The following RGS6 variants were observed in gnomAD, a reference collection of about 807,000 sequenced individuals.
RGS6 encodes the protein regulator of G-protein signaling 6.
Under a neutral mutation model 78.5 loss-of-function variants are expected in RGS6, and 30 were observed. That is an observed-to-expected ratio of 0.38 (90% CI 0.29 to 0.52). RGS6 has a LOEUF of 0.52. RGS6 is among the 20% of genes least tolerant of loss of function. The probability of loss-of-function intolerance (pLI) is 0.85; values close to 1 mark genes in which losing one functional copy is unlikely to be tolerated. For missense variants in RGS6, 495 were observed against 609.7 expected (o/e 0.81, Z 1.98); for synonymous variants, 206 against 206.0 (o/e 1.00, Z 0.00).
chr14:72,379,980 A>G (rs914651584), intron 3 of RGS6, among the ~76,000 whole-genome samples: 5 of 152,160 alleles, frequency 3.3e-5, no homozygotes, highest in South Asian at 2.1e-4. Flanking sequence ...ACAGAGACCA[A>G]TAGAGCAGAA....
At chr14:72,442,087 C>T (rs1330499843) in intron 3 of RGS6, among the ~76,000 whole-genome samples, 1 of 152,136 alleles carries the variant, frequency 6.6e-6, no homozygotes, top group Non-Finnish European at 1.5e-5. Context: ...GAGATGATTT[C>T]CCTCTGGTTC....
chr14:72,559,100 C>T (rs2097632548), intron 17 of RGS6, among the ~76,000 whole-genome samples: 1 of 152,236 alleles, frequency 6.6e-6, no homozygotes, highest in African/African-American at 2.4e-5. Flanking sequence ...CATTCCCCTT[C>T]TGAAGTGGTT....
intron 3 of RGS6, among the ~76,000 whole-genome samples, chr14:72,368,785 A>T (rs761609785): frequency 6.6e-6 from 1 of 152,236 alleles, no homozygotes; most frequent in African/African-American, 2.4e-5. Flanking sequence ...ATGCCTCAAA[A>T]TAGAGATAAT....
intron 3 of RGS6, among the ~76,000 whole-genome samples, chr14:72,402,183 A>G (rs115131487): frequency 2.0e-5 from 3 of 152,194 alleles, no homozygotes; most frequent in African/African-American, 7.2e-5. Context: ...CCATTGGTCC[A>G]TTCCGTCCAA....
upstream of RGS6, among the ~76,000 whole-genome samples, chr14:71,931,278 G>C (rs1236488839): frequency 6.6e-6 from 1 of 151,718 alleles, no homozygotes; most frequent in East Asian, 1.9e-4. Flanking sequence ...TGTGTACTAA[G>C]CCTACCATAA....
At chr14:72,612,972 C>G in the RGS6 span, among the ~76,000 whole-genome samples, 1 of 148,644 alleles carries the variant, frequency 6.7e-6, no homozygotes, top group Admixed American at 6.7e-5. Context: ...TCAAAGTTTC[C>G]CTTTGGTTCA....
rs370597304 is a variant in RGS6 at position 72,308,921 on chromosome 14, A to G, written c.85-43174A>G. 2.0e-4 allele frequency among the ~76,000 whole-genome samples: 31 copies of G among 152,242 alleles called. No individual in the cohort carries two copies. In the East Asian group the frequency reaches 5.4e-3, roughly 27 times the overall value. ...CATCAAGTCATTTCATGCCTTTTACACTTCACTTTAGGATCTTTTTCTCTA... is the reference window on the plus strand; with the variant it reads ...CATCAAGTCATTTCATGCCTTTTACGCTTCACTTTAGGATCTTTTTCTCTA... On this transcript the variant is annotated intron_variant, in intron 2 of 17. Coordinates refer to ENST00000553525, the MANE Select transcript of RGS6 (RefSeq NM_001204424.2).
chr14:72,413,322 A>G (rs1316281475), intron 3 of RGS6, among the ~76,000 whole-genome samples: 3 of 152,190 alleles, frequency 2.0e-5, no homozygotes, highest in Non-Finnish European at 4.4e-5. Flanking sequence ...GCATTATGTA[A>G]TAGCCTTCTT....
intron 16 of RGS6, among the ~76,000 whole-genome samples, chr14:72,538,623 G>A (rs2097280718): frequency 6.6e-6 from 1 of 152,224 alleles, no homozygotes; most frequent in Non-Finnish European, 1.5e-5. Context: ...GGCCTGACTT[G>A]AGCCAAGTGT....
In RGS6 at chr14:72,537,394, T is replaced by C. The variant is rs1420635075; in HGVS notation, c.1368+1119T>C. ...ACTCCAGAGTCCTGGAGAGCATTTATAACCTGCTCTCCTGCCCTTGTGTAG... is the reference window on the plus strand; with the variant it reads ...ACTCCAGAGTCCTGGAGAGCATTTACAACCTGCTCTCCTGCCCTTGTGTAG... On this transcript the variant is annotated intron_variant, in intron 16 of 17. Coordinates refer to ENST00000553525, the MANE Select transcript of RGS6 (RefSeq NM_001204424.2). 4.4e-6 allele frequency: 3 copies of C among 687,954 alleles called. No individual in the cohort carries two copies. In the Admixed American group the frequency reaches 6.2e-5, roughly 14 times the overall value. The allele number at this position is 687,954 out of a possible 1,614,324, so 42.6% of individuals were successfully genotyped here.
At chr14:72,395,689 C>A (rs573695362) in intron 3 of RGS6, among the ~76,000 whole-genome samples, 3 of 152,048 alleles carry the variant, frequency 2.0e-5, no homozygotes, top group South Asian at 2.1e-4. Context: ...CCCTTCCCCC[C>A]ACCCCACAAC....
chr14:72,509,367 G>GAAAA (rs574286198), intron 13 of RGS6, among the ~76,000 whole-genome samples: 95 of 113,464 alleles, frequency 8.4e-4, no homozygotes, highest in African/African-American at 2.1e-3. Flanking sequence ...TCCATCTCAA[G>GAAAA]AAAAAAAAAA....
intron 2 of RGS6, among the ~76,000 whole-genome samples, chr14:72,240,077 C>A (rs2052364332): frequency 6.6e-6 from 1 of 152,170 alleles, no homozygotes; most frequent in Non-Finnish European, 1.5e-5. Flanking sequence ...AGTGTTTCAA[C>A]ATAAAACCCA....
chr14:72,087,807 G>A (rs1421180725), intron 2 of RGS6, among the ~76,000 whole-genome samples: 1 of 152,050 alleles, frequency 6.6e-6, no homozygotes, highest in African/African-American at 2.4e-5. Flanking sequence ...GGCCAGTGAT[G>A]ATAGTTTTTC....
chr14:72,550,743 G>A, intron 17 of RGS6: 1 of 989,648 alleles, frequency 1.0e-6, no homozygotes, highest in Non-Finnish European at 1.4e-6. Context: ...CCTGATGGAG[G>A]TTTCCTTGGT....
intron 2 of RGS6, among the ~76,000 whole-genome samples, chr14:72,012,151 G>A (rs8017799): frequency 0.76 from 115,133 of 151,962 alleles, 44,536 homozygotes; most frequent in South Asian, 0.88. Context: ...GATTTGATTG[G>A]CACTTCTCAT....
chr14:72,524,685 T>C (rs776759895), intron 15 of RGS6, among the ~76,000 whole-genome samples: 1 of 152,222 alleles, frequency 6.6e-6, no homozygotes, highest in Non-Finnish European at 1.5e-5. Context: ...CGGCATAATA[T>C]TCTGTGCAGA....
At chr14:72,390,640 T>C (rs1002517797) in intron 3 of RGS6, among the ~76,000 whole-genome samples, 2 of 152,212 alleles carry the variant, frequency 1.3e-5, no homozygotes, top group African/African-American at 2.4e-5. Flanking sequence ...GGGAAATGTT[T>C]AGAGGTAAAA....
chr14:72,301,916 TTGAAGCAC>T (rs2066153377), intron 2 of RGS6, among the ~76,000 whole-genome samples: 1 of 152,160 alleles, frequency 6.6e-6, no homozygotes, highest in South Asian at 2.1e-4. Flanking sequence ...AGGTCACATT[TTGAAGCAC>T]TGGGGGTGGG....
Sources: allele counts gnomAD v4.1 joint callset (sites outside exome capture counted in the v4.1 genomes callset), GRCh38; gene constraint gnomAD v4.1.1; transcripts MANE v1.5; gene names NCBI Gene and HGNC (gene_info 2026-07-23, HGNC 2026-07-21).